The following GRID2 variants were observed in gnomAD, a reference collection of about 807,000 sequenced individuals.
The protein encoded by GRID2 is glutamate receptor ionotropic, delta-2.
A neutral mutation model predicts 114.8 loss-of-function variants in GRID2; 33 were observed. That is an observed-to-expected ratio of 0.29 (90% CI 0.22 to 0.38). The LOEUF (loss-of-function observed/expected upper bound fraction) is 0.38. Ranked by LOEUF, GRID2 falls within the 10% of genes least tolerant of loss-of-function variation. The probability of loss-of-function intolerance (pLI) is 1.00; values close to 1 mark genes in which losing one functional copy is unlikely to be tolerated. For synonymous variants in GRID2, 505 were observed against 449.9 expected (o/e 1.12, Z -1.55); for missense variants, 1,184 against 1,257.7 (o/e 0.94, Z 0.89).
At chr4:93,709,875 A>G (rs79259298) in intron 14 of GRID2, among the ~76,000 whole-genome samples, 6,396 of 152,198 alleles carry the variant, frequency 0.042, 212 homozygotes, top group African/African-American at 0.084. Flanking sequence ...GTGTGTCAGT[A>G]TGTCAGTTGC....
intron 2 of GRID2, among the ~76,000 whole-genome samples, chr4:93,053,587 TA>T (rs1156459831): frequency 6.6e-6 from 1 of 151,968 alleles, no homozygotes; most frequent in Non-Finnish European, 1.5e-5. Flanking sequence ...GCATGCATTT[TA>T]AAGAAAAGGT....
intron 2 of GRID2, among the ~76,000 whole-genome samples, chr4:92,771,054 C>G (rs1043520264): frequency 6.0e-5 from 9 of 149,754 alleles, no homozygotes; most frequent in African/African-American, 2.2e-4. Flanking sequence ...CCTTTTTTGC[C>G]AATACCTAAG....
intron 7 of GRID2, among the ~76,000 whole-genome samples, chr4:93,234,444 C>G (rs191930619): frequency 6.6e-6 from 1 of 152,176 alleles, no homozygotes; most frequent in South Asian, 2.1e-4. Flanking sequence ...TAAGGGTCCC[C>G]TAAGATGGAG....
chr4:93,498,963 T>C (rs1252019596), intron 12 of GRID2, among the ~76,000 whole-genome samples: 1 of 151,882 alleles, frequency 6.6e-6, no homozygotes, highest in Non-Finnish European at 1.5e-5. Context: ...CTATTCCTAG[T>C]TTTCCATGTG....
intron 2 of GRID2, among the ~76,000 whole-genome samples, chr4:92,873,875 C>T (rs1365164462): frequency 1.5e-4 from 23 of 152,060 alleles, no homozygotes; most frequent in African/African-American, 4.6e-4. Context: ...CCACCACACC[C>T]GGCTAATTTT....
At position 93,414,747 on chromosome 4, in the gene GRID2, A is replaced by G. The variant is rs188081047; in HGVS notation, c.1348-8024A>G. On this transcript the variant is annotated intron_variant, in intron 9 of 15. Coordinates refer to ENST00000282020, the MANE Select transcript of GRID2 (RefSeq NM_001510.4). ...TTGTCTGTCACTCCCACTAAAATGT[A>G]GGTCTAGAAGAATAGAAATGTTCGT... Among the ~76,000 whole-genome samples the G allele has an allele frequency of 1.5e-3, 224 of 147,888 alleles. 1 individual carries two copies. Among genetic ancestry groups the G allele is most frequent in the Non-Finnish European group, 2.4e-3 (164 of 67,014 alleles).
chr4:92,994,987 A>G (rs1560779009), intron 2 of GRID2, among the ~76,000 whole-genome samples: 1 of 150,390 alleles, frequency 6.6e-6, no homozygotes, highest in East Asian at 2.0e-4. Context: ...GCAAACATGT[A>G]TTTTTTTTTT....
At chr4:92,355,753 T>A (rs1387598759) in intron 1 of GRID2, among the ~76,000 whole-genome samples, 1 of 151,806 alleles carries the variant, frequency 6.6e-6, no homozygotes, top group Non-Finnish European at 1.5e-5. Flanking sequence ...AGATAAAAAC[T>A]ATGAAGGGTT....
chr4:93,441,071 C>T (rs1721580053), intron 10 of GRID2, among the ~76,000 whole-genome samples: 1 of 152,020 alleles, frequency 6.6e-6, no homozygotes, highest in African/African-American at 2.4e-5. Context: ...GCTTATCCAG[C>T]TGAAGCTGTG....
At chr4:93,030,174 A>C (rs1724262664) in intron 2 of GRID2, among the ~76,000 whole-genome samples, 1 of 152,206 alleles carries the variant, frequency 6.6e-6, no homozygotes, top group African/African-American at 2.4e-5. Flanking sequence ...TTATAAAAAT[A>C]CATAACTATT....
chr4:93,290,868 G>A (rs1208918125), intron 8 of GRID2, among the ~76,000 whole-genome samples: 1 of 119,294 alleles, frequency 8.4e-6, no homozygotes, highest in East Asian at 2.6e-4. Flanking sequence ...AAGCATACAA[G>A]TTACTTTTTT....
chr4:92,742,492 C>G (rs1736941851), intron 2 of GRID2, among the ~76,000 whole-genome samples: 1 of 152,040 alleles, frequency 6.6e-6, no homozygotes, highest in Non-Finnish European at 1.5e-5. Flanking sequence ...CTCTTAATCT[C>G]TATGCATTTT....
intron 1 of GRID2, among the ~76,000 whole-genome samples, chr4:92,554,858 A>AT (rs1404983802): frequency 6.6e-6 from 1 of 152,014 alleles, no homozygotes; most frequent in African/African-American, 2.4e-5. Context: ...GTCAGACATT[A>AT]TTTTTTACTG....
intron 11 of GRID2, among the ~76,000 whole-genome samples, chr4:93,467,042 A>G (rs1418087617): frequency 2.6e-5 from 4 of 152,186 alleles, no homozygotes; most frequent in Non-Finnish European, 5.9e-5. Flanking sequence ...TATTCCCACT[A>G]TTTTATGTTA....
chr4:92,920,914 G>A (rs1749264325), intron 2 of GRID2, among the ~76,000 whole-genome samples: 1 of 152,160 alleles, frequency 6.6e-6, no homozygotes, highest in Non-Finnish European at 1.5e-5. Context: ...GATTGGGGAA[G>A]TTCTCCTGGA....
At chr4:93,294,481 C>T (rs1754081271) in intron 8 of GRID2, among the ~76,000 whole-genome samples, 1 of 152,064 alleles carries the variant, frequency 6.6e-6, no homozygotes, top group African/African-American at 2.4e-5. Context: ...TGTGTACACA[C>T]ACATGGCAGC....
rs548646777 is a variant in GRID2 at position 93,754,040 on chromosome 4, A to G, written c.2361-15170A>G. Among the ~76,000 whole-genome samples the G allele has an allele frequency of 2.3e-4, 35 of 152,326 alleles. No homozygotes were observed. In the South Asian group the frequency reaches 6.6e-3, roughly 29 times the overall value. On this transcript the variant is annotated intron_variant, in intron 14 of 15. Transcript: ENST00000282020. Reference sequence around the variant, plus strand: ...CTATGAAACCCAGGTTATATGGTATAGGTGTATTTCTTCTAGTCTACAAAC... The same window carrying G: ...CTATGAAACCCAGGTTATATGGTATGGGTGTATTTCTTCTAGTCTACAAAC...
At chr4:93,545,745 C>G (rs955926747) in intron 13 of GRID2, among the ~76,000 whole-genome samples, 6 of 151,960 alleles carry the variant, frequency 3.9e-5, no homozygotes, top group Non-Finnish European at 8.8e-5. Context: ...ATTAGTTGGA[C>G]TATAAAGCAA....
At chr4:92,792,249 G>A (rs1397776148) in intron 2 of GRID2, among the ~76,000 whole-genome samples, 2 of 151,704 alleles carry the variant, frequency 1.3e-5, no homozygotes, top group Non-Finnish European at 2.9e-5. Flanking sequence ...GACTCCAGTG[G>A]ACCTCAAGCA....
Sources: allele counts gnomAD v4.1 joint callset (sites outside exome capture counted in the v4.1 genomes callset), GRCh38; gene constraint gnomAD v4.1.1; transcripts MANE v1.5; gene names NCBI Gene and HGNC (gene_info 2026-07-23, HGNC 2026-07-21).